The following RBFOX1 variants were observed in gnomAD, a reference collection of about 807,000 sequenced individuals.
The protein encoded by RBFOX1 is RNA binding fox-1 homolog 1, also known as RNA binding protein fox-1 homolog 1.
Under a neutral mutation model 57.7 loss-of-function variants are expected in RBFOX1, and 8 were observed. The observed-to-expected ratio is 0.14, with a 90% CI of 0.08 to 0.25. RBFOX1 has a LOEUF of 0.25. RBFOX1 is among the 10% of genes least tolerant of loss of function. The pLI is 1.00. For missense variants in RBFOX1, 611 were observed against 548.5 expected (o/e 1.11, Z -1.14); for synonymous variants, 326 against 222.4 (o/e 1.47, Z -4.15).
intron 4 of RBFOX1, among the ~76,000 whole-genome samples, chr16:7,413,296 G>A (rs1385384383): frequency 5.9e-5 from 9 of 151,834 alleles, no homozygotes; most frequent in African/African-American, 2.2e-4. Flanking sequence ...CCTCTCCCCT[G>A]GCCACCCTCC....
intron 4 of RBFOX1, among the ~76,000 whole-genome samples, chr16:7,375,159 T>C (rs544365667): frequency 6.6e-6 from 1 of 152,350 alleles, no homozygotes; most frequent in Admixed American, 6.5e-5. Flanking sequence ...GTTGGTAGAT[T>C]AATATCATTA....
At chr16:5,525,558 C>T (rs1286110889) in intron 2 of RBFOX1, among the ~76,000 whole-genome samples, 6 of 134,992 alleles carry the variant, frequency 4.4e-5, no homozygotes, top group Admixed American at 3.5e-4. Flanking sequence ...AGTGCAGTGG[C>T]GTGATCTCAG....
chr16:6,683,858 A>T (rs1488798742), intron 3 of RBFOX1, among the ~76,000 whole-genome samples: 1 of 152,194 alleles, frequency 6.6e-6, no homozygotes, highest in South Asian at 2.1e-4. Context: ...AGCCTCAGCA[A>T]AGTGGAAATA....
chr16:5,679,334 C>CTTTT (rs571622871), intron 3 of RBFOX1, among the ~76,000 whole-genome samples: 4 of 142,120 alleles, frequency 2.8e-5, no homozygotes, highest in African/African-American at 1.1e-4. Flanking sequence ...AATTCTCTCT[C>CTTTT]TTTTTTTTTT....
At chr16:7,616,267 A>G (rs371678777) in intron 10 of RBFOX1, among the ~76,000 whole-genome samples, 4 of 152,352 alleles carry the variant, frequency 2.6e-5, no homozygotes, top group Non-Finnish European at 1.5e-5. Context: ...AAACCTAGCA[A>G]AAGCTTCCAG....
chr16:6,212,622 G>A (rs984587865), intron 1 of RBFOX1, among the ~76,000 whole-genome samples: 1 of 152,112 alleles, frequency 6.6e-6, no homozygotes, highest in Admixed American at 6.6e-5. Context: ...CTGGAGAATG[G>A]CGTGAACCCG....
intron 2 of RBFOX1, among the ~76,000 whole-genome samples, chr16:6,437,987 G>A (rs1043719880): frequency 2.0e-5 from 3 of 152,134 alleles, no homozygotes; most frequent in African/African-American, 7.2e-5. Context: ...GAAACTGCCA[G>A]GCTCCTCTTG....
intron 2 of RBFOX1, among the ~76,000 whole-genome samples, chr16:6,360,664 T>G (rs2088293243): frequency 6.6e-6 from 1 of 152,236 alleles, no homozygotes; most frequent in South Asian, 2.1e-4. Flanking sequence ...TCATGCCGTT[T>G]CAGAATTATC....
chr16:5,503,706 A>C (rs1056836024), intron 2 of RBFOX1, among the ~76,000 whole-genome samples: 1 of 152,076 alleles, frequency 6.6e-6, no homozygotes, highest in Non-Finnish European at 1.5e-5. Flanking sequence ...GGCCTCCCAA[A>C]GTGCTGGTAT....
intron 2 of RBFOX1, among the ~76,000 whole-genome samples, chr16:6,539,765 T>G (rs957106314): frequency 3.3e-4 from 45 of 138,202 alleles, no homozygotes; most frequent in Non-Finnish European, 1.1e-4. Context: ...GCCACTGCAC[T>G]CCAGCCTAGG....
chr16:7,414,556 C>G (rs1423059353), intron 4 of RBFOX1, among the ~76,000 whole-genome samples: 1 of 152,166 alleles, frequency 6.6e-6, no homozygotes, highest in African/African-American at 2.4e-5. Flanking sequence ...ATAGTAGGAA[C>G]TTGTTGAAGG....
At chr16:7,086,390 A>G (rs1449230943) in intron 4 of RBFOX1, among the ~76,000 whole-genome samples, 1 of 152,156 alleles carries the variant, frequency 6.6e-6, no homozygotes, top group Non-Finnish European at 1.5e-5. Context: ...ATGTTTTAAT[A>G]TTAATTTCTT....
chr16:6,085,102 G>A (rs1467223296), intron 1 of RBFOX1, among the ~76,000 whole-genome samples: 1 of 152,112 alleles, frequency 6.6e-6, no homozygotes, highest in Admixed American at 6.6e-5. Context: ...ACTGGGTGAG[G>A]GCGGGGAGTC....
At chr16:6,502,064 C>G (rs766740690) in intron 2 of RBFOX1, among the ~76,000 whole-genome samples, 6 of 152,100 alleles carry the variant, frequency 3.9e-5, no homozygotes, top group Non-Finnish European at 8.8e-5. Context: ...TCCTAGTTTC[C>G]AGGGAATGGG....
rs149102699 is a variant in RBFOX1 at position 6,150,109 on chromosome 16, G to T, written c.-127+130117G>T. 5.8e-4 allele frequency among the ~76,000 whole-genome samples: 88 copies of T among 152,268 alleles called. 1 individual carries two copies. In the East Asian group the frequency reaches 0.014, roughly 25 times the overall value. On this transcript the variant is annotated intron_variant, in intron 1 of 15. Coordinates refer to ENST00000550418, the MANE Select transcript of RBFOX1 (RefSeq NM_018723.4). Reference sequence around the variant, plus strand: ...TAGATGATGAAAAATCATGGCTTTTGGTCATAGGAAATTATGTGATGTTAG... The same window carrying T: ...TAGATGATGAAAAATCATGGCTTTTTGTCATAGGAAATTATGTGATGTTAG...
chr16:7,296,574 G>A (rs773825140), intron 4 of RBFOX1, among the ~76,000 whole-genome samples: 2 of 152,124 alleles, frequency 1.3e-5, no homozygotes, highest in African/African-American at 2.4e-5. Flanking sequence ...TCATGTTCAC[G>A]ATAGCTTGCA....
At chr16:6,648,248 A>T (rs1163246010) in intron 2 of RBFOX1, among the ~76,000 whole-genome samples, 1 of 150,964 alleles carries the variant, frequency 6.6e-6, no homozygotes, top group Non-Finnish European at 1.5e-5. Flanking sequence ...TTTTGTAGAG[A>T]CACTGTCTCC....
At chr16:7,587,951 G>A (rs187973075) in intron 7 of RBFOX1, among the ~76,000 whole-genome samples, 1 of 152,152 alleles carries the variant, frequency 6.6e-6, no homozygotes, top group Non-Finnish European at 1.5e-5. Context: ...CTTTGAGGTG[G>A]GTGGATCACC....
intron 4 of RBFOX1, among the ~76,000 whole-genome samples, chr16:7,505,066 C>T (rs2072776772): frequency 6.6e-6 from 1 of 150,890 alleles, no homozygotes; most frequent in African/African-American, 2.4e-5. Flanking sequence ...TCTCAGTGCC[C>T]CGAGGTGCTG....
Sources: allele counts gnomAD v4.1 joint callset (sites outside exome capture counted in the v4.1 genomes callset), GRCh38; gene constraint gnomAD v4.1.1; transcripts MANE v1.5; gene names NCBI Gene and HGNC (gene_info 2026-07-23, HGNC 2026-07-21).